DNAJC1: variants seen among roughly 807,000 people sequenced by gnomAD.
DNAJC1 encodes the protein DnaJ heat shock protein family (Hsp40) member C1, also known as dnaJ homolog subfamily C member 1.
DNAJC1 carries 58 observed loss-of-function variants against 76.6 expected under a neutral mutation model. The ratio of observed to expected loss-of-function variants is 0.76; its 90% confidence interval spans 0.61 to 0.94. DNAJC1 has a LOEUF of 0.94. DNAJC1 is among the 40% of genes least tolerant of loss of function. DNAJC1 has a pLI of 0.00. For missense variants in DNAJC1, 689 were observed against 677.3 expected, an observed-to-expected ratio of 1.02 and a Z score of -0.19; for synonymous variants, 258 against 267.9, an observed-to-expected ratio of 0.96 and a Z score of 0.36.
intron 3 of DNAJC1, among the ~76,000 whole-genome samples, chr10:21,926,448 C>T (rs1037555794): frequency 3.3e-5 from 5 of 152,090 alleles, no homozygotes; most frequent in African/African-American, 7.2e-5. Flanking sequence ...GAAGGTTACA[C>T]ATTTAAAAGT....
intron 8 of DNAJC1, among the ~76,000 whole-genome samples, chr10:21,852,943 T>G (rs966465378): frequency 2.6e-5 from 4 of 152,146 alleles, no homozygotes; most frequent in African/African-American, 7.2e-5. Context: ...TAGCTATGAT[T>G]TTCAGCAAGT....
intron 8 of DNAJC1, among the ~76,000 whole-genome samples, chr10:21,860,395 T>C (rs1835901797): frequency 6.6e-6 from 1 of 152,082 alleles, no homozygotes; most frequent in Non-Finnish European, 1.5e-5. Context: ...AATGGTGATG[T>C]TAAAACTAGA....
At chr10:21,946,975 C>G (rs979021873) in intron 1 of DNAJC1, among the ~76,000 whole-genome samples, 28 of 152,156 alleles carry the variant, frequency 1.8e-4, no homozygotes, top group African/African-American at 6.0e-4. Context: ...ATCTCTTGCT[C>G]TCTCTCATGC....
At chr10:21,761,144 C>T (rs185596691) in intron 10 of DNAJC1, among the ~76,000 whole-genome samples, 1 of 152,240 alleles carries the variant, frequency 6.6e-6, no homozygotes. Context: ...TGTGCCACTG[C>T]ACTCCAGCCT....
chr10:21,951,730 G>A (rs946787283), intron 1 of DNAJC1, among the ~76,000 whole-genome samples: 14 of 152,098 alleles, frequency 9.2e-5, no homozygotes, highest in Non-Finnish European at 1.3e-4. Context: ...ATAAATATTT[G>A]TAGTGGCATA....
chr10:21,773,343 C>G (rs1194326977), intron 9 of DNAJC1, among the ~76,000 whole-genome samples: 2 of 152,126 alleles, frequency 1.3e-5, no homozygotes, highest in Non-Finnish European at 2.9e-5. Context: ...TTTCATTCAT[C>G]TCTGATAATA....
chr10:21,904,582 CT>C lies in DNAJC1; in HGVS notation c.759del (p.Glu254LysfsTer4). ...TCTTCCTTTTCCTTCAATCTTGTTT[CT>C]TTATATTTAGCATAAAACTGCCCAG... Reference protein sequence around the residue: ...QDAGQFYAKYKETRLKEKEDA... With the variant: ...QDAGQFYAKYXETRLKEKEDA... On this transcript the variant is annotated frameshift_variant, in exon 7 of 12. Transcript: ENST00000376980. LOFTEE classifies it high-confidence loss of function. The C allele has an allele frequency of 6.2e-7, 1 of 1,606,640 alleles. No individual in the cohort carries two copies. The highest frequency in any genetic ancestry group is 8.5e-7 in the Non-Finnish European group (1 of 1,176,784).
chr10:21,969,771 T>C (rs1837950560), intron 1 of DNAJC1, among the ~76,000 whole-genome samples: 2 of 152,356 alleles, frequency 1.3e-5, no homozygotes, highest in Admixed American at 6.5e-5. Flanking sequence ...TATGATTCAC[T>C]ATACAGCACC....
At chr10:21,761,515 T>C (rs1012370461) in intron 10 of DNAJC1, among the ~76,000 whole-genome samples, 1 of 140,246 alleles carries the variant, frequency 7.1e-6, no homozygotes, top group African/African-American at 2.7e-5. Flanking sequence ...ACTGAGATCG[T>C]ACCACAGCCT....
chr10:21,973,920 T>C (rs895623024), intron 1 of DNAJC1, among the ~76,000 whole-genome samples: 1 of 151,584 alleles, frequency 6.6e-6, no homozygotes, highest in Admixed American at 6.6e-5. Context: ...CTGGGCAACA[T>C]GGTGTAACCC....
intron 1 of DNAJC1, among the ~76,000 whole-genome samples, chr10:21,952,727 T>C (rs2941733): frequency 0.77 from 117,787 of 152,036 alleles, 46,493 homozygotes; most frequent in East Asian, 0.99. Context: ...CCACTGCACT[T>C]CAGCCTGGGT....
intron 9 of DNAJC1, among the ~76,000 whole-genome samples, chr10:21,776,130 G>A (rs1257985605): frequency 6.6e-6 from 1 of 152,022 alleles, no homozygotes; most frequent in Non-Finnish European, 1.5e-5. Flanking sequence ...AAACACTGTA[G>A]GTTGCATTCC....
At chr10:21,873,435 C>T (rs1005558566) in intron 8 of DNAJC1, among the ~76,000 whole-genome samples, 1 of 151,656 alleles carries the variant, frequency 6.6e-6, no homozygotes, top group Non-Finnish European at 1.5e-5. Context: ...TAATCAGAAA[C>T]GATGAAGGCC....
chr10:21,836,632 G>A (rs146676948), intron 8 of DNAJC1, among the ~76,000 whole-genome samples: 4,344 of 152,108 alleles, frequency 0.029, 97 homozygotes, highest in Middle Eastern at 0.065. Context: ...GATGGAGGAA[G>A]ATCTACCAAG....
chr10:21,916,042 T>C (rs1050708401), intron 6 of DNAJC1, among the ~76,000 whole-genome samples: 1 of 152,130 alleles, frequency 6.6e-6, no homozygotes, highest in Non-Finnish European at 1.5e-5. Context: ...AAGCCAATTA[T>C]GAAAGACTTG....
intron 6 of DNAJC1, among the ~76,000 whole-genome samples, chr10:21,914,614 T>G (rs750186779): frequency 1.3e-4 from 20 of 152,164 alleles, no homozygotes; most frequent in Non-Finnish European, 2.4e-4. Flanking sequence ...AATTCCTAAA[T>G]AGATATACTC....
chr10:21,865,426 GAATA>G (rs943079256), intron 8 of DNAJC1: 1 of 152,064 alleles, frequency 6.6e-6, no homozygotes, highest in Non-Finnish European at 1.5e-5. Context: ...GAACAAACAT[GAATA>G]AATTTCAGAC....
At chr10:21,769,633 CTCCTAGT>C (rs1157535292) in intron 9 of DNAJC1, among the ~76,000 whole-genome samples, 1 of 152,198 alleles carries the variant, frequency 6.6e-6, no homozygotes, top group Non-Finnish European at 1.5e-5. Context: ...TCTCAGAGGT[CTCCTAGT>C]TCCTAAAACT....
chr10:21,829,087 G>A (rs774269833), intron 8 of DNAJC1, among the ~76,000 whole-genome samples: 2 of 152,070 alleles, frequency 1.3e-5, no homozygotes, highest in Non-Finnish European at 2.9e-5. Context: ...CTGGAGTGCA[G>A]TGAGGTGATC....
Sources: gnomAD v4.1 joint callset for allele counts (sites outside exome capture counted in the v4.1 genomes callset) on GRCh38, gnomAD v4.1.1 for gene constraint, MANE v1.5 for transcripts, NCBI Gene and HGNC (gene_info 2026-07-23, HGNC 2026-07-21) for gene names.